DAPP1: variants seen among roughly 807,000 people sequenced by gnomAD.
The protein encoded by DAPP1 is dual adaptor of phosphotyrosine and 3-phosphoinositides 1.
Under a neutral mutation model 41.5 loss-of-function variants are expected in DAPP1, and 20 were observed. The observed-to-expected ratio is 0.48, with a 90% CI of 0.34 to 0.70. The LOEUF (loss-of-function observed/expected upper bound fraction) is 0.70. DAPP1 is among the 30% of genes least tolerant of loss of function. The probability of loss-of-function intolerance (pLI) is 0.01; values close to 1 mark genes in which losing one functional copy is unlikely to be tolerated. For missense variants in DAPP1, 233 were observed against 333.4 expected (o/e 0.70, Z 2.35); for synonymous variants, 113 against 116.2 (o/e 0.97, Z 0.18).
chr4:99,818,047 T>C (rs1191484733), intron 1 of DAPP1, among the ~76,000 whole-genome samples: 1 of 152,234 alleles, frequency 6.6e-6, no homozygotes, highest in Non-Finnish European at 1.5e-5. Flanking sequence ...GAAATCTCTC[T>C]GTGTTAAGGC....
Position 99,868,000 on chromosome 4 carries a change from T to C in DAPP1, c.775-117T>C, listed in dbSNP as rs1188407453. 6.6e-6 allele frequency: 6 copies of C among 915,436 alleles called. No individual in the cohort carries two copies. The African/African-American group carries it at 9.9e-5, about 15-fold the overall frequency. The allele number at this position is 915,436 out of a possible 1,614,324, so 56.7% of individuals were successfully genotyped here. A position where few individuals can be genotyped will look rare whatever the true frequency, so the allele number is the denominator to read the frequency against. On this transcript the variant is annotated intron_variant, in intron 8 of 8. Transcript: ENST00000512369. ...TAGTTGGGGGTGAGCACATGATAAT[T>C]AACTTAGAGTTGTATGACATCCTTA...
chr4:99,871,302 C>A (rs1285067336), downstream of DAPP1, among the ~76,000 whole-genome samples: 1 of 152,222 alleles, frequency 6.6e-6, no homozygotes, highest in Non-Finnish European at 1.5e-5. Flanking sequence ...GTATACTACA[C>A]AGCAGAGTGC....
intron 2 of DAPP1, among the ~76,000 whole-genome samples, chr4:99,838,448 G>T (rs1723376478): frequency 6.6e-6 from 1 of 152,136 alleles, no homozygotes; most frequent in Admixed American, 6.5e-5. Flanking sequence ...ACGTGTTGTA[G>T]AACAGTGGTC....
At chr4:99,862,258 A>G (rs993875549) in intron 5 of DAPP1, among the ~76,000 whole-genome samples, 8 of 152,218 alleles carry the variant, frequency 5.3e-5, no homozygotes, top group African/African-American at 9.6e-5. Context: ...TGTCCCTTCT[A>G]GATCGAATGC....
At chr4:99,844,414 G>A (rs1005889048) in intron 3 of DAPP1, 3 of 152,142 alleles carry the variant, frequency 2.0e-5, no homozygotes, top group African/African-American at 7.2e-5. Flanking sequence ...TTGAAAATTT[G>A]AGAAACTTTT....
chr4:99,852,713 C>T (rs577727782), intron 3 of DAPP1, among the ~76,000 whole-genome samples: 18 of 152,204 alleles, frequency 1.2e-4, no homozygotes, highest in African/African-American at 3.6e-4. Flanking sequence ...CACGTTTATT[C>T]GGAAACTGAT....
At chr4:99,833,646 A>G (rs1723198034) in intron 1 of DAPP1, among the ~76,000 whole-genome samples, 2 of 152,206 alleles carry the variant, frequency 1.3e-5, no homozygotes, top group East Asian at 3.8e-4. Context: ...CATCACACTG[A>G]CATTATTTGT....
intron 3 of DAPP1, among the ~76,000 whole-genome samples, chr4:99,848,920 T>C (rs1181879359): frequency 6.6e-6 from 1 of 152,194 alleles, no homozygotes; most frequent in Non-Finnish European, 1.5e-5. Flanking sequence ...CTCTGTATAC[T>C]GGGAGGTACA....
chr4:99,826,422 G>A (rs1339698267), intron 1 of DAPP1, among the ~76,000 whole-genome samples: 1 of 152,172 alleles, frequency 6.6e-6, no homozygotes, highest in Non-Finnish European at 1.5e-5. Flanking sequence ...ACTTTGCGTT[G>A]AAATATATGT....
At chr4:99,850,294 C>A (rs974702444) in intron 3 of DAPP1, among the ~76,000 whole-genome samples, 2 of 151,986 alleles carry the variant, frequency 1.3e-5, no homozygotes, top group Non-Finnish European at 2.9e-5. Context: ...CCTGTATTCC[C>A]AGCTACTTGG....
Position 99,816,952 on chromosome 4 carries a change from C to G in DAPP1, c.39C>G (p.Thr13=). The G allele has an allele frequency of 6.2e-7, 1 of 1,609,204 alleles. No individual in the cohort carries two copies. The highest frequency in any genetic ancestry group is 8.5e-7 in the Non-Finnish European group (1 of 1,177,950). The change falls in exon 1 of 9, where the codon ACC becomes ACG. Residue 13 remains threonine, a synonymous_variant. Transcript: ENST00000512369. ...AACTTCTAGAAGGGAAGATGAGCAC[C>G]CAGGATCCCTCAGATCTGTGGAGCA... ...RAELLEGKMS[T]QDPSDLWSRS... is the part of the protein sequence containing the mutation.
intron 4 of DAPP1, among the ~76,000 whole-genome samples, chr4:99,854,795 C>T (rs796568292): frequency 6.6e-6 from 1 of 152,186 alleles, no homozygotes; most frequent in East Asian, 1.9e-4. Flanking sequence ...TACAATGCTC[C>T]TCTTCTGTGC....
Position 99,865,915 on chromosome 4 carries a change from AT to A in DAPP1, c.687-118del, listed in dbSNP as rs1168718687. 8.6e-3 allele frequency: 603 copies of A among 70,016 alleles called. 2 individuals carry two copies. The highest frequency in any genetic ancestry group is 0.012 in the Non-Finnish European group (457 of 38,788). The allele number at this position is 70,016 out of a possible 1,614,324, so 4.3% of individuals were successfully genotyped here. On this transcript the variant is annotated intron_variant, in intron 7 of 8. Coordinates refer to ENST00000512369, the MANE Select transcript of DAPP1 (RefSeq NM_014395.3). Reference sequence around the variant, plus strand: ...GTGTTCAACTAATATATATATATATATATATATATAATATATATAATATATT... The same window carrying A: ...GTGTTCAACTAATATATATATATATAATATATATAATATATATAATATATT...
intron 8 of DAPP1, 61 bp downstream of exon 8, chr4:99,866,182 A>G: frequency 1.1e-6 from 1 of 918,564 alleles, no homozygotes; most frequent in African/African-American, 1.6e-5. Flanking sequence ...ATGATTTCAA[A>G]CATATTTCTA....
intron 1 of DAPP1, 111 bp downstream of exon 1, chr4:99,817,125 A>G (rs112511411): frequency 3.0e-6 from 2 of 675,206 alleles, no homozygotes; most frequent in African/African-American, 1.9e-5. Flanking sequence ...GCCCTCTGCC[A>G]CCTCAACCAT....
chr4:99,858,501 G>T (rs2110163207), intron 4 of DAPP1, among the ~76,000 whole-genome samples: 1 of 152,272 alleles, frequency 6.6e-6, no homozygotes, highest in Non-Finnish European at 1.5e-5. Context: ...AGTGGTGTCT[G>T]CCAGGTTTCT....
At chr4:99,829,811 T>C (rs192165232) in intron 1 of DAPP1, among the ~76,000 whole-genome samples, 3 of 148,762 alleles carry the variant, frequency 2.0e-5, no homozygotes, top group East Asian at 3.9e-4. Context: ...GAAGAGACAA[T>C]CAAATACCAG....
intron 8 of DAPP1, among the ~76,000 whole-genome samples, chr4:99,867,145 G>A (rs1724490169): frequency 6.6e-6 from 1 of 152,054 alleles, no homozygotes; most frequent in African/African-American, 2.4e-5. Flanking sequence ...TTCCTTTCTA[G>A]ATACTGAGAC....
chr4:99,868,018 C>A, intron 8 of DAPP1, 99 bp from the exon 9 acceptor site: 1 of 1,041,014 alleles, frequency 9.6e-7, no homozygotes, highest in Non-Finnish European at 1.5e-6. Flanking sequence ...AGTTGTATGA[C>A]ATCCTTACTA....
Sources: gnomAD v4.1 joint callset for allele counts (sites outside exome capture counted in the v4.1 genomes callset) on GRCh38, gnomAD v4.1.1 for gene constraint, MANE v1.5 for transcripts, NCBI Gene and HGNC (gene_info 2026-07-23, HGNC 2026-07-21) for gene names.